GYPC: variants seen among roughly 807,000 people sequenced by gnomAD.
The protein encoded by GYPC is glycophorin C (Gerbich blood group), also known as glycophorin-C.
GYPC carries 14 observed loss-of-function variants against 12.6 expected under a neutral mutation model. That is an observed-to-expected ratio of 1.11 (90% CI 0.74 to 1.74). GYPC has a LOEUF of 1.74. GYPC is among the 40% of genes most tolerant of loss of function. The probability of loss-of-function intolerance (pLI) is 0.00; values close to 1 mark genes in which losing one functional copy is unlikely to be tolerated. For missense variants in GYPC, 225 were observed against 172.1 expected (o/e 1.31, Z -1.72); for synonymous variants, 78 against 62.1 (o/e 1.26, Z -1.20).
At chr2:126,695,541 C>T (rs923248037) in intron 3 of GYPC, among the ~76,000 whole-genome samples, 4 of 152,110 alleles carry the variant, frequency 2.6e-5, no homozygotes, top group African/African-American at 9.7e-5. Context: ...TTTGGAATGG[C>T]GTGAATGCAA....
At chr2:126,678,261 A>G (rs1683064112) in intron 1 of GYPC, 1 of 152,236 alleles carries the variant, frequency 6.6e-6, no homozygotes, top group Non-Finnish European at 1.5e-5. Context: ...AAAGAAAAGA[A>G]AAGAAAGAAA....
chr2:126,675,325 G>A (rs142224086), intron 1 of GYPC, among the ~76,000 whole-genome samples: 1 of 152,238 alleles, frequency 6.6e-6, no homozygotes, highest in African/African-American at 2.4e-5. Flanking sequence ...TGTAATTGTG[G>A]AAGTGATTCA....
chr2:126,676,846 G>T (rs1263259488), intron 1 of GYPC, among the ~76,000 whole-genome samples: 2 of 152,188 alleles, frequency 1.3e-5, no homozygotes, highest in Non-Finnish European at 2.9e-5. Flanking sequence ...GCCAGGGCAG[G>T]TGGCTTTCTG....
At chr2:126,690,479 C>A (rs960809290) in intron 2 of GYPC, among the ~76,000 whole-genome samples, 168 bp downstream of exon 2, 1 of 152,124 alleles carries the variant, frequency 6.6e-6, no homozygotes, top group South Asian at 2.1e-4. Flanking sequence ...TTTTTTCTCT[C>A]CCTCAGAGGT....
At chr2:126,660,366 C>T (rs180803609) in intron 1 of GYPC, among the ~76,000 whole-genome samples, 17 of 152,248 alleles carry the variant, frequency 1.1e-4, no homozygotes, top group East Asian at 9.6e-4. Flanking sequence ...CCCTCCCTCA[C>T]GCACCGTCCC....
intron 1 of GYPC, chr2:126,686,382 T>A (rs17741936): frequency 2.1e-5 from 21 of 985,540 alleles, no homozygotes; most frequent in South Asian, 4.7e-5. Context: ...GGTGGCTGCC[T>A]TCTGCCAGAG....
intron 1 of GYPC, among the ~76,000 whole-genome samples, chr2:126,677,345 ATGTG>A (rs201298328): frequency 6.1e-5 from 9 of 146,878 alleles, no homozygotes; most frequent in African/African-American, 2.0e-4. Context: ...GTAAGAAAGA[ATGTG>A]TGTGTGAGTG....
intron 1 of GYPC, chr2:126,686,770 G>C: frequency 1.2e-6 from 1 of 859,922 alleles, no homozygotes. Flanking sequence ...GTTGTGCTGG[G>C]TAATTGTCTA....
At chr2:126,693,976 C>A (rs1683560939) in intron 3 of GYPC, 29 bp downstream of exon 3, 2 of 1,455,032 alleles carry the variant, frequency 1.4e-6, no homozygotes, top group Non-Finnish European at 1.9e-6. Context: ...GCCCTTCAAG[C>A]AGCCAGGGTG....
chr2:126,689,959 T>C (rs1683405711), intron 1 of GYPC, among the ~76,000 whole-genome samples: 1 of 152,206 alleles, frequency 6.6e-6, no homozygotes, highest in Non-Finnish European at 1.5e-5. Context: ...GTTGAGCATC[T>C]ACCACATGCA....
chr2:126,658,463 T>G (rs2104765882), intron 1 of GYPC: 1 of 152,380 alleles, frequency 6.6e-6, no homozygotes, highest in Non-Finnish European at 1.5e-5. Context: ...TTGGGCCAAG[T>G]CAAGTCAGTT....
At chr2:126,679,067 C>T (rs1259526398) in intron 1 of GYPC, among the ~76,000 whole-genome samples, 2 of 152,210 alleles carry the variant, frequency 1.3e-5, no homozygotes, top group African/African-American at 4.8e-5. Flanking sequence ...TAATTAAGTA[C>T]CTAATTATGC....
chr2:126,674,621 C>T (rs989355616), intron 1 of GYPC, among the ~76,000 whole-genome samples: 1 of 152,198 alleles, frequency 6.6e-6, no homozygotes, highest in Admixed American at 6.5e-5. Context: ...TCCCATGTGA[C>T]GGCACTGAGC....
intron 1 of GYPC, among the ~76,000 whole-genome samples, chr2:126,661,552 A>G (rs1245625027): frequency 1.3e-5 from 2 of 151,208 alleles, no homozygotes; most frequent in African/African-American, 2.4e-5. Flanking sequence ...TCCTGGGTTC[A>G]TGCAATTCTC....
chr2:126,659,900 C>T (rs1573553981), intron 1 of GYPC, among the ~76,000 whole-genome samples: 1 of 151,408 alleles, frequency 6.6e-6, no homozygotes, highest in South Asian at 2.1e-4. Flanking sequence ...AAGAGATTCT[C>T]TGCCTCAACC....
At chr2:126,695,197 T>A (rs998183684) in intron 3 of GYPC, among the ~76,000 whole-genome samples, 1 of 152,194 alleles carries the variant, frequency 6.6e-6, no homozygotes, top group African/African-American at 2.4e-5. Flanking sequence ...TTTCCCCCTG[T>A]ATAGTGTACA....
At chr2:126,687,692 G>A (rs1397615112) in intron 1 of GYPC, among the ~76,000 whole-genome samples, 2 of 152,242 alleles carry the variant, frequency 1.3e-5, no homozygotes, top group Non-Finnish European at 2.9e-5. Flanking sequence ...GAGGGCATGA[G>A]CTTGGAGGGA....
chr2:126,668,787 G>T (rs964801222), intron 1 of GYPC, among the ~76,000 whole-genome samples: 1 of 152,208 alleles, frequency 6.6e-6, no homozygotes, highest in Non-Finnish European at 1.5e-5. Context: ...TCAGTCCTCA[G>T]AATTGAGAGG....
chr2:126,695,385 G>T (rs1395142470), intron 3 of GYPC, among the ~76,000 whole-genome samples: 1 of 152,162 alleles, frequency 6.6e-6, no homozygotes, highest in East Asian at 1.9e-4. Flanking sequence ...GAGGAGGGAA[G>T]AGGAAAGGAG....
Sources: allele counts gnomAD v4.1 joint callset (sites outside exome capture counted in the v4.1 genomes callset), GRCh38; gene constraint gnomAD v4.1.1; transcripts MANE v1.5; gene names NCBI Gene and HGNC (gene_info 2026-07-23, HGNC 2026-07-21).